The following PRKCA variants were observed in gnomAD, a reference collection of about 807,000 sequenced individuals.
PRKCA encodes protein kinase C alpha type.
A neutral mutation model predicts 87.0 loss-of-function variants in PRKCA; 27 were observed. The ratio of observed to expected loss-of-function variants is 0.31; its 90% confidence interval spans 0.23 to 0.43. The LOEUF (loss-of-function observed/expected upper bound fraction) is 0.43, where lower values mean the gene tolerates loss of function less well. Among genes scored for constraint, PRKCA ranks in the 20% least tolerant of loss-of-function variants. The pLI is 1.00. For synonymous variants in PRKCA, 329 were observed against 311.1 expected (o/e 1.06, Z -0.61); for missense variants, 518 against 852.3 (o/e 0.61, Z 4.88).
chr17:66,358,537 A>G (rs1908201415), intron 2 of PRKCA, among the ~76,000 whole-genome samples: 1 of 150,280 alleles, frequency 6.7e-6, no homozygotes, highest in African/African-American at 2.5e-5. Flanking sequence ...TTCAAGCCTA[A>G]GGCTAACATG....
chr17:66,633,100 C>T (rs944931655), intron 3 of PRKCA, among the ~76,000 whole-genome samples: 3 of 152,152 alleles, frequency 2.0e-5, no homozygotes, highest in Non-Finnish European at 2.9e-5. Context: ...AGGCCAAGTG[C>T]GATCCTAAGC....
At chr17:66,527,784 C>T (rs953004112) in intron 3 of PRKCA, among the ~76,000 whole-genome samples, 1 of 152,194 alleles carries the variant, frequency 6.6e-6, no homozygotes, top group African/African-American at 2.4e-5. Flanking sequence ...TATTTTTCCA[C>T]CCCCTTAAAA....
chr17:66,686,965 G>A (rs951654776), intron 5 of PRKCA, 146 bp from the exon 6 acceptor site: 21 of 688,014 alleles, frequency 3.1e-5, no homozygotes, highest in African/African-American at 1.4e-4. Flanking sequence ...TTCTCATGTC[G>A]AGTGTTAGAG....
intron 3 of PRKCA, among the ~76,000 whole-genome samples, chr17:66,540,248 CAGCCGTCAG>C (rs1967935396): frequency 6.6e-6 from 1 of 152,176 alleles, no homozygotes; most frequent in Admixed American, 6.5e-5. Flanking sequence ...TCAGGCTTTC[CAGCCGTCAG>C]AGCCAGCCCA....
intron 13 of PRKCA, among the ~76,000 whole-genome samples, chr17:66,760,013 A>G (rs190128423): frequency 1.3e-5 from 2 of 152,360 alleles, no homozygotes; most frequent in East Asian, 1.9e-4. Flanking sequence ...AGAAATAGAC[A>G]TATCCCGCAA....
Position 66,804,663 on chromosome 17 carries a change from A to T in PRKCA, c.*626A>T, listed in dbSNP as rs967010093. 2 of 152,444 alleles carry T rather than the reference A, an allele frequency of 1.3e-5. No individual in the cohort carries two copies. Among genetic ancestry groups the T allele is most frequent in the African/African-American group, 4.8e-5 (2 of 41,312 alleles). The allele number at this position is 152,444 out of a possible 1,614,324, so 9.4% of individuals were successfully genotyped here. ...AGCAGTTACCAGTTTAAACAAAAAA[A>T]CCTCAGATGAGTGTTGGGTGAATCT... is the stretch of plus-strand genomic sequence containing the variant. On this transcript the variant is annotated 3_prime_UTR_variant, in exon 17 of 17. Transcript: ENST00000413366.
intron 14 of PRKCA, chr17:66,775,471 G>GGAAGCAGGCTTGGTAATCAC (rs377566410): frequency 6.8e-5 from 67 of 985,266 alleles, no homozygotes; most frequent in Non-Finnish European, 7.8e-5. Flanking sequence ...GCTCAGCAGG[G>GGAAGCAGGCTTGGTAATCAC]GAAGCAGGCT....
At chr17:66,349,910 A>T (rs576582719) in intron 2 of PRKCA, among the ~76,000 whole-genome samples, 15 of 152,222 alleles carry the variant, frequency 9.9e-5, no homozygotes, top group Non-Finnish European at 1.8e-4. Context: ...TAGGGTTTTT[A>T]GGCCACCATT....
At chr17:66,661,767 G>A (rs1482522121) in intron 5 of PRKCA, among the ~76,000 whole-genome samples, 1 of 152,242 alleles carries the variant, frequency 6.6e-6, no homozygotes, top group Non-Finnish European at 1.5e-5. Context: ...CCCGCAGGAA[G>A]CAAGTCCTTT....
At chr17:66,693,242 A>T (rs755655970) in intron 8 of PRKCA, among the ~76,000 whole-genome samples, 1 of 152,226 alleles carries the variant, frequency 6.6e-6, no homozygotes, top group African/African-American at 2.4e-5. Context: ...AGAGCAGTTC[A>T]TCCTCCTACA....
At chr17:66,763,147 C>T (rs1974722895) in intron 13 of PRKCA, among the ~76,000 whole-genome samples, 3 of 152,240 alleles carry the variant, frequency 2.0e-5, no homozygotes, top group African/African-American at 7.2e-5. Context: ...ATTCTAACAG[C>T]CCTTTTGATT....
chr17:66,770,292 G>A (rs1271793546), intron 13 of PRKCA, among the ~76,000 whole-genome samples: 1 of 152,194 alleles, frequency 6.6e-6, no homozygotes, highest in African/African-American at 2.4e-5. Context: ...TAATATGATA[G>A]GATGTTTAAA....
chr17:66,455,659 C>A (rs1459768455), intron 2 of PRKCA, among the ~76,000 whole-genome samples: 1 of 152,176 alleles, frequency 6.6e-6, no homozygotes, highest in Admixed American at 6.5e-5. Context: ...TTTTGATTAA[C>A]TGGGATCTTA....
In PRKCA at chr17:66,306,125, A is replaced by C. The variant is rs1904804207; in HGVS notation, c.203A>C (p.Gln68Pro). ...TTTGGGAAACAAGGCTTCCAGTGCC[A>C]AGGTAAGCTACCACTTTTGGTTTTA... ...WGFGKQGFQC[Q>P]VCCFVVHKRC... The change falls in exon 2 of 17, where the codon CAA (glutamine) becomes CCA (proline). Residue 68 changes from glutamine to proline, a missense_variant and splice_region_variant. By Grantham distance (76) the Gln-to-Pro change is moderately conservative. Around this residue, in one of 5 missense-constraint regions of PRKCA, gnomAD observed 25 missense variants for 72.1 expected, o/e 0.35. Transcript: ENST00000413366. 6.2e-7 allele frequency: 1 copy of C among 1,612,002 alleles called. No homozygotes were observed. Among genetic ancestry groups the C allele is most frequent in the Admixed American group, 1.7e-5 (1 of 59,534 alleles).
intron 2 of PRKCA, among the ~76,000 whole-genome samples, chr17:66,494,390 C>T (rs1201912463): frequency 6.6e-6 from 1 of 152,186 alleles, no homozygotes; most frequent in Non-Finnish European, 1.5e-5. Context: ...GAGCAAGGGC[C>T]TGTTTACTGC....
chr17:66,580,837 C>G (rs1447777010), intron 3 of PRKCA, among the ~76,000 whole-genome samples: 1 of 152,168 alleles, frequency 6.6e-6, no homozygotes, highest in Non-Finnish European at 1.5e-5. Context: ...TCGCTTCTAA[C>G]AGCCTGGATT....
chr17:66,637,085 C>T (rs967481359), intron 3 of PRKCA, among the ~76,000 whole-genome samples: 1 of 152,192 alleles, frequency 6.6e-6, no homozygotes, highest in African/African-American at 2.4e-5. Flanking sequence ...ATGGTTTCCT[C>T]TCTTCCTACA....
At chr17:66,498,588 T>C (rs2144120587) in intron 3 of PRKCA, among the ~76,000 whole-genome samples, 1 of 152,350 alleles carries the variant, frequency 6.6e-6, no homozygotes, top group East Asian at 1.9e-4. Context: ...TACAGAGATA[T>C]GCTCCTTGCC....
At position 66,738,870 on chromosome 17, in the gene PRKCA, T is replaced by C; in HGVS notation, c.1322+15T>C. On this transcript the variant is annotated intron_variant, in intron 11 of 16. Transcript: ENST00000413366. ...CCACAAGCAGTGTGAGTATTATTTT[T>C]TAAGTCCTTTAATTTGAACAACCAA... 1 of 1,595,966 alleles carries C rather than the reference T, an allele frequency of 6.3e-7. No individual in the cohort carries two copies. The highest frequency in any genetic ancestry group is 8.6e-7 in the Non-Finnish European group (1 of 1,164,042).
Sources: allele counts gnomAD v4.1 joint callset (sites outside exome capture counted in the v4.1 genomes callset), GRCh38; gene constraint gnomAD v4.1.1; regional missense constraint gnomAD v4.1.1; transcripts MANE v1.5; gene names NCBI Gene and HGNC (gene_info 2026-07-23, HGNC 2026-07-21).